The following DLEU7 variants were observed in gnomAD, a reference collection of about 807,000 sequenced individuals.
DLEU7 encodes the protein deleted in lymphocytic leukemia 7.
Under a neutral mutation model 16.0 loss-of-function variants are expected in DLEU7, and 17 were observed. The ratio of observed to expected loss-of-function variants is 1.06; its 90% confidence interval spans 0.73 to 1.59. The LOEUF (loss-of-function observed/expected upper bound fraction) is 1.59. DLEU7 is among the 40% of genes most tolerant of loss of function. The pLI, the probability that DLEU7 is intolerant of heterozygous loss-of-function variation, is 0.00. For missense variants in DLEU7, 308 were observed against 314.9 expected (o/e 0.98, Z 0.17); for synonymous variants, 113 against 139.8 (o/e 0.81, Z 1.35).
chr13:50,728,201 C>G (rs1873818761), intron 1 of DLEU7, among the ~76,000 whole-genome samples: 1 of 152,028 alleles, frequency 6.6e-6, no homozygotes, highest in Non-Finnish European at 1.5e-5. Context: ...TGAGGTTGGG[C>G]TTTGGTCGGG....
intron 1 of DLEU7, among the ~76,000 whole-genome samples, chr13:50,761,772 A>C (rs1298421999): frequency 3.9e-5 from 6 of 152,138 alleles, no homozygotes; most frequent in Non-Finnish European, 7.4e-5. Flanking sequence ...CTAAAACCAC[A>C]AGTCTAAATC....
At chr13:50,741,138 A>G (rs1458329520) in intron 1 of DLEU7, among the ~76,000 whole-genome samples, 1 of 152,194 alleles carries the variant, frequency 6.6e-6, no homozygotes, top group East Asian at 1.9e-4. Context: ...ACAATGCTCC[A>G]AACAGAAGGG....
At chr13:50,832,758 C>T (rs1363198839) in intron 1 of DLEU7, among the ~76,000 whole-genome samples, 1 of 152,188 alleles carries the variant, frequency 6.6e-6, no homozygotes, top group Non-Finnish European at 1.5e-5. Flanking sequence ...CATTCAGGAG[C>T]CAGTTGTTCA....
At chr13:50,747,216 T>C (rs1484910547) in intron 1 of DLEU7, among the ~76,000 whole-genome samples, 1 of 152,140 alleles carries the variant, frequency 6.6e-6, no homozygotes, top group South Asian at 2.1e-4. Flanking sequence ...TGTCTGCAGG[T>C]TGGGAAACTA....
chr13:50,801,595 C>T (rs1402053747), intron 1 of DLEU7, among the ~76,000 whole-genome samples: 2 of 151,980 alleles, frequency 1.3e-5, no homozygotes, highest in Admixed American at 1.3e-4. Flanking sequence ...CACAGGGAGC[C>T]CTCAGCACCT....
intron 1 of DLEU7, among the ~76,000 whole-genome samples, chr13:50,752,666 G>A (rs1593542066): frequency 1.3e-5 from 2 of 152,046 alleles, no homozygotes; most frequent in Non-Finnish European, 1.5e-5. Flanking sequence ...TTAAGGCGGC[G>A]CGTCTGGAGT....
chr13:50,725,671 A>G (rs982496747), intron 1 of DLEU7, among the ~76,000 whole-genome samples: 1 of 152,204 alleles, frequency 6.6e-6, no homozygotes, highest in Non-Finnish European at 1.5e-5. Flanking sequence ...AGCAGTGGTC[A>G]GGAGCGGGGG....
Position 50,740,753 on chromosome 13 carries a change from C to A in DLEU7, c.460-27513G>T, listed in dbSNP as rs190258969. Among the ~76,000 whole-genome samples the A allele has an allele frequency of 3.2e-3, 493 of 152,180 alleles. 1 individual carries two copies. Among genetic ancestry groups the A allele is most frequent in the African/African-American group, 8.6e-3 (357 of 41,552 alleles). ...ACAGATGCAAACAAATGAACCAAAG[C>A]AAAAATGCATCCATTCTATTAAAAA... On this transcript the variant is annotated intron_variant, in intron 1 of 1. Coordinates refer to the DLEU7 transcript ENST00000400393.
At chr13:50,765,791 A>G (rs1446263475) in intron 1 of DLEU7, among the ~76,000 whole-genome samples, 3 of 151,958 alleles carry the variant, frequency 2.0e-5, no homozygotes, top group Admixed American at 2.0e-4. Context: ...GATGAAGGAG[A>G]CATGGCCATT....
chr13:50,795,253 T>C (rs867343775), intron 1 of DLEU7, among the ~76,000 whole-genome samples: 16 of 152,306 alleles, frequency 1.1e-4, no homozygotes, highest in South Asian at 2.1e-4. Context: ...ACAGATCCTC[T>C]TGGGCTCCAG....
chr13:50,730,167 G>A (rs9591349), intron 1 of DLEU7, among the ~76,000 whole-genome samples: 1 of 151,538 alleles, frequency 6.6e-6, no homozygotes, highest in African/African-American at 2.4e-5. Flanking sequence ...GGAGGCAGAG[G>A]AGGGGTTGGT....
chr13:50,752,457 G>A (rs1022778572), intron 1 of DLEU7, among the ~76,000 whole-genome samples: 2 of 152,152 alleles, frequency 1.3e-5, no homozygotes, highest in Admixed American at 6.5e-5. Context: ...TCCGGAATTG[G>A]TGGGTTCTTG....
intron 1 of DLEU7, among the ~76,000 whole-genome samples, chr13:50,810,859 A>C (rs1876543936): frequency 6.6e-6 from 1 of 152,172 alleles, no homozygotes; most frequent in Non-Finnish European, 1.5e-5. Context: ...GCCCAGTGGA[A>C]TTTCAAAGAG....
chr13:50,753,344 G>A (rs895949038), intron 1 of DLEU7, among the ~76,000 whole-genome samples: 2 of 152,232 alleles, frequency 1.3e-5, no homozygotes, highest in African/African-American at 2.4e-5. Flanking sequence ...GGGACTGGGC[G>A]CCCTGGAGCA....
chr13:50,835,670 T>A (rs1268080548), intron 1 of DLEU7, among the ~76,000 whole-genome samples: 1 of 152,206 alleles, frequency 6.6e-6, no homozygotes, highest in East Asian at 1.9e-4. Context: ...AGCTGGAGGT[T>A]TCCTTTCCTC....
rs1483894080 is a variant in DLEU7 at position 50,843,375 on chromosome 13, A to C, written c.272T>G (p.Val91Gly). ...ARANSPEEEV[V>G]RGAEGGAELL... is the part of the protein sequence containing the mutation. ...CTCGGCGCCCCCCTCAGCGCCTCGC[A>C]CTACCTCCTCCTCTGGGGAGTTCGC... The change falls in exon 1 of 2, where the codon GTG becomes GGG. Residue 91 changes from valine to glycine, a missense_variant. Coordinates refer to ENST00000504404, the MANE Select transcript of DLEU7 (RefSeq NM_001306135.2). The surrounding 1 kb of genome is among the most constrained non-coding windows in gnomAD (Gnocchi z 5.7). The C allele has an allele frequency of 1.4e-6, 2 of 1,410,802 alleles. No individual in the cohort carries two copies. Among genetic ancestry groups the C allele is most frequent in the Non-Finnish European group, 1.8e-6 (2 of 1,084,374 alleles). The allele number at this position is 1,410,802 out of a possible 1,614,324, so 87.4% of individuals were successfully genotyped here.
intron 1 of DLEU7, among the ~76,000 whole-genome samples, chr13:50,792,566 C>G (rs1875987995): frequency 6.6e-6 from 1 of 152,100 alleles, no homozygotes; most frequent in South Asian, 2.1e-4. Context: ...CCTAGTTTTT[C>G]CTTCTACTAT....
chr13:50,728,390 T>C (rs1173665452), intron 1 of DLEU7, among the ~76,000 whole-genome samples: 1 of 152,226 alleles, frequency 6.6e-6, no homozygotes, highest in Non-Finnish European at 1.5e-5. Context: ...TATGCTCAAA[T>C]GAGTTCTAGA....
intron 1 of DLEU7, among the ~76,000 whole-genome samples, chr13:50,791,831 C>T (rs766998955): frequency 1.6e-4 from 25 of 152,210 alleles, no homozygotes; most frequent in Admixed American, 2.6e-4. Context: ...AAGAGCCTGA[C>T]GCCTTTACAT....
Sources: allele counts gnomAD v4.1 joint callset (sites outside exome capture counted in the v4.1 genomes callset), GRCh38; gene constraint gnomAD v4.1.1; non-coding constraint Gnocchi (gnomAD v3.1); transcripts MANE v1.5; gene names NCBI Gene and HGNC (gene_info 2026-07-23, HGNC 2026-07-21).